GAREM1: variants seen among roughly 807,000 people sequenced by gnomAD.
GAREM1 encodes GRB2 associated regulator of MAPK1 subtype 1.
In GAREM1, 26 loss-of-function variants were observed where a neutral mutation model predicts 71.3. The ratio of observed to expected loss-of-function variants is 0.36; its 90% CI spans 0.27 to 0.51. The LOEUF (loss-of-function observed/expected upper bound fraction) is 0.51. GAREM1 is among the 20% of genes least tolerant of loss of function. The pLI, the probability that GAREM1 is intolerant of heterozygous loss-of-function variation, is 0.95. For synonymous variants in GAREM1, 440 were observed against 433.2 expected, an observed-to-expected ratio of 1.02 and a Z score of -0.20; for missense variants, 1,026 against 1,103.1, an observed-to-expected ratio of 0.93 and a Z score of 0.99.
intron 4 of GAREM1, among the ~76,000 whole-genome samples, chr18:32,271,382 G>A (rs1020372145): frequency 1.3e-5 from 2 of 151,990 alleles, no homozygotes; most frequent in Non-Finnish European, 2.9e-5. Flanking sequence ...TAGTAGAGTC[G>A]GGGTTTGACG....
intron 2 of GAREM1, among the ~76,000 whole-genome samples, chr18:32,338,530 A>G (rs1156875655): frequency 6.6e-6 from 1 of 152,214 alleles, no homozygotes; most frequent in Admixed American, 6.5e-5. Context: ...TTGTAATACA[A>G]ACTGTGAGAC....
At chr18:32,279,853 A>T (rs2041591403) in intron 4 of GAREM1, among the ~76,000 whole-genome samples, 1 of 152,172 alleles carries the variant, frequency 6.6e-6, no homozygotes, top group African/African-American at 2.4e-5. Context: ...GAAGAAGAAA[A>T]AAACAAATCT....
intron 1 of GAREM1, among the ~76,000 whole-genome samples, chr18:32,405,493 C>T (rs569684954): frequency 1.2e-4 from 18 of 152,120 alleles, no homozygotes; most frequent in Non-Finnish European, 2.5e-4. Context: ...CCACCGAGCC[C>T]GGCCTTCTCT....
rs17743740 is a variant in GAREM1, at chr18:32,369,698, T to C, written c.262+23197A>G. ...CATTCAAGCACATTTCTTTAATTTCTTCCTGATTCCCTAAACCACATCACA... is the reference window on the plus strand; with the variant it reads ...CATTCAAGCACATTTCTTTAATTTCCTCCTGATTCCCTAAACCACATCACA... On this transcript the variant is annotated intron_variant, in intron 2 of 5. Coordinates refer to ENST00000269209, the MANE Select transcript of GAREM1 (RefSeq NM_001242409.2). Among the ~76,000 whole-genome samples, 580 of 152,344 alleles carry C rather than the reference T, an allele frequency of 3.8e-3. 11 individuals carry two copies. The highest frequency in any genetic ancestry group is 0.035 in the East Asian group (183 of 5,182).
chr18:32,264,255 A>C lies in GAREM1; in HGVS notation c.*3616T>G, dbSNP rs1362566848. On this transcript the variant is annotated 3_prime_UTR_variant, in exon 6 of 6. Coordinates refer to ENST00000269209, the MANE Select transcript of GAREM1 (RefSeq NM_001242409.2). ...ATGTTTCTGAAAGCCCCCTACGTCC[A>C]ACAACAGATTTAACTTTTCTGGTAG... The C allele has an allele frequency of 1.3e-5, 2 of 152,248 alleles. No homozygotes were observed. 9.4% of individuals were successfully genotyped at this position (152,248 alleles called of 1,614,324 possible).
At chr18:32,270,160 C>A in intron 5 of GAREM1, 57 bp downstream of exon 5, 1 of 1,568,088 alleles carries the variant, frequency 6.4e-7, no homozygotes, top group Middle Eastern at 1.7e-4. Flanking sequence ...TTTCAAGAAC[C>A]CATGAACTGG....
intron 4 of GAREM1, among the ~76,000 whole-genome samples, chr18:32,282,994 A>G (rs1252287888): frequency 1.3e-5 from 2 of 152,224 alleles, no homozygotes; most frequent in African/African-American, 4.8e-5. Context: ...GAATAAACAC[A>G]TGGATCAATA....
chr18:32,321,861 C>T (rs2047432631), intron 2 of GAREM1, among the ~76,000 whole-genome samples: 1 of 152,194 alleles, frequency 6.6e-6, no homozygotes, highest in African/African-American at 2.4e-5. Context: ...CATCCCTACA[C>T]CATTGCTTAA....
At chr18:32,383,580 A>C (rs2048116410) in intron 2 of GAREM1, among the ~76,000 whole-genome samples, 1 of 152,236 alleles carries the variant, frequency 6.6e-6, no homozygotes, top group South Asian at 2.1e-4. Context: ...GAAGTGAGAC[A>C]AGCACTTTCC....
chr18:32,308,891 G>A (rs1049126850), intron 3 of GAREM1, among the ~76,000 whole-genome samples: 2 of 150,116 alleles, frequency 1.3e-5, no homozygotes, highest in Admixed American at 1.3e-4. Flanking sequence ...AATGAAATGG[G>A]CAGAACCGTT....
intron 1 of GAREM1, among the ~76,000 whole-genome samples, chr18:32,399,120 G>A (rs940873503): frequency 6.6e-6 from 1 of 152,116 alleles, no homozygotes; most frequent in East Asian, 1.9e-4. Context: ...AAATTCAACA[G>A]CCCTTCATGC....
At chr18:32,340,904 T>C (rs1430799100) in intron 2 of GAREM1, among the ~76,000 whole-genome samples, 1 of 152,164 alleles carries the variant, frequency 6.6e-6, no homozygotes, top group African/African-American at 2.4e-5. Context: ...GTAAAGTGTG[T>C]TACATGCCCT....
At chr18:32,270,570 C>T (rs963192733) in intron 4 of GAREM1, among the ~76,000 whole-genome samples, 187 bp from the exon 5 acceptor site, 4 of 152,140 alleles carry the variant, frequency 2.6e-5, no homozygotes, top group Admixed American at 6.5e-5. Flanking sequence ...GCAAATCAGG[C>T]GCCTGTCACA....
chr18:32,402,512 C>T (rs2048324519), intron 1 of GAREM1, among the ~76,000 whole-genome samples: 1 of 151,834 alleles, frequency 6.6e-6, no homozygotes, highest in Non-Finnish European at 1.5e-5. Context: ...GCTTCTGTGC[C>T]AACAGATCTC....
At chr18:32,439,166 G>A (rs190192111) in intron 1 of GAREM1, among the ~76,000 whole-genome samples, 5 of 152,266 alleles carry the variant, frequency 3.3e-5, no homozygotes, top group African/African-American at 1.2e-4. Flanking sequence ...CACCAAGACC[G>A]AGGCTCTGAA....
In GAREM1 at chr18:32,272,991, G is replaced by A. The variant is rs532387605; in HGVS notation, c.1567-2608C>T. 9.2e-5 allele frequency among the ~76,000 whole-genome samples: 14 copies of A among 152,316 alleles called. No homozygotes were observed. The East Asian group carries it at 1.3e-3, about 15-fold the overall frequency. The stretch of plus-strand genomic sequence containing the variant: ...CTTCTGTCTTGTTAGTGAACTGCAC[G>A]GTAGCCAGATGTGTTTCTTTCTTAG... On this transcript the variant is annotated intron_variant, in intron 4 of 5. Coordinates refer to ENST00000269209, the MANE Select transcript of GAREM1 (RefSeq NM_001242409.2).
intron 1 of GAREM1, among the ~76,000 whole-genome samples, chr18:32,399,334 G>A (rs1050185046): frequency 6.6e-6 from 1 of 152,072 alleles, no homozygotes; most frequent in Admixed American, 6.6e-5. Context: ...CAATCAGGCA[G>A]GAGAAAGAAA....
At chr18:32,389,777 C>T (rs1476425817) in intron 2 of GAREM1, among the ~76,000 whole-genome samples, 1 of 152,086 alleles carries the variant, frequency 6.6e-6, no homozygotes, top group Non-Finnish European at 1.5e-5. Context: ...AAGGGCTAAA[C>T]CTGGCAATAA....
At chr18:32,309,541 G>A (rs2047292155) in intron 3 of GAREM1, among the ~76,000 whole-genome samples, 3 of 149,450 alleles carry the variant, frequency 2.0e-5, no homozygotes, top group Non-Finnish European at 1.5e-5. Flanking sequence ...GCATGAACCA[G>A]GGAGGCGAAG....
Sources: allele counts gnomAD v4.1 joint callset (sites outside exome capture counted in the v4.1 genomes callset), GRCh38; gene constraint gnomAD v4.1.1; transcripts MANE v1.5; gene names NCBI Gene and HGNC (gene_info 2026-07-23, HGNC 2026-07-21).